Variants in UGT1A4 observed in about 807,000 individuals in gnomAD.
The protein encoded by UGT1A4 is UDP-glucuronosyltransferase 1A4.
In UGT1A4, 32 loss-of-function variants were observed where a neutral mutation model predicts 41.1. That is an observed-to-expected ratio of 0.78 (90% CI 0.59 to 1.05). UGT1A4 has a LOEUF of 1.05. Among genes scored for constraint, UGT1A4 ranks in the 50% least tolerant of loss-of-function variants. UGT1A4 has a pLI of 0.00. For missense variants in UGT1A4, 748 were observed against 677.4 expected (o/e 1.10, Z -1.16); for synonymous variants, 283 against 265.1 (o/e 1.07, Z -0.66).
intron 1 of UGT1A4, chr2:233,760,416 G>A (rs1575772039): frequency 6.2e-7 from 1 of 1,614,218 alleles, no homozygotes; most frequent in East Asian, 2.2e-5. Flanking sequence ...GGCTGAGCAT[G>A]CTTGGGGCCA....
At chr2:233,754,239 C>A in intron 1 of UGT1A4, 1 of 170,838 alleles carries the variant, frequency 5.9e-6, no homozygotes. Flanking sequence ...CTGGCTCACA[C>A]TTTCCCAACG....
At position 233,737,754 on chromosome 2, in the gene UGT1A4, T is replaced by G. The variant is rs1342701991; in HGVS notation, c.867+18067T>G. Reference sequence around the variant, plus strand: ...TTCCTTTTCTCTTCCAGTTTTTCAATGTGAACATATTCTCTAGAGTTAACT... The same window carrying G: ...TTCCTTTTCTCTTCCAGTTTTTCAAGGTGAACATATTCTCTAGAGTTAACT... On this transcript the variant is annotated intron_variant, in intron 1 of 4. Transcript: ENST00000373409. Among the ~76,000 whole-genome samples the G allele has an allele frequency of 3.3e-5, 5 of 152,300 alleles. No homozygotes were observed. The East Asian group carries it at 9.6e-4, about 29-fold the overall frequency.
chr2:233,759,135 A>G (rs1346504675), intron 1 of UGT1A4, among the ~76,000 whole-genome samples: 1 of 152,234 alleles, frequency 6.6e-6, no homozygotes, highest in African/African-American at 2.4e-5. Flanking sequence ...CTGGTACGCA[A>G]TGAAGGTGAG....
At chr2:233,745,418 GATAA>G (rs1158575048) in intron 1 of UGT1A4, among the ~76,000 whole-genome samples, 1 of 151,578 alleles carries the variant, frequency 6.6e-6, no homozygotes, top group Non-Finnish European at 1.5e-5. Context: ...TCTTTTCTTT[GATAA>G]ATTGTGAGGC....
chr2:233,741,352 A>G (rs1236663413), intron 1 of UGT1A4, among the ~76,000 whole-genome samples: 1 of 151,742 alleles, frequency 6.6e-6, no homozygotes, highest in African/African-American at 2.4e-5. Context: ...TCCAACACAC[A>G]AAACCACAAT....
rs587776764 is a variant in UGT1A4 at position 233,761,152 on chromosome 2, G to C, written c.868-5882G>C. ...CCTTCACCAAAATCCACTATCCCAG[G>C]TGTGTATTGGAGTGGGACTTTTACA... is the stretch of plus-strand genomic sequence containing the variant. On this transcript the variant is annotated intron_variant, in intron 1 of 4. Coordinates refer to ENST00000373409, the MANE Select transcript of UGT1A4 (RefSeq NM_007120.3). The C allele has an allele frequency of 2.5e-6, 4 of 1,614,084 alleles. No homozygotes were observed. The African/African-American group carries it at 4.0e-5, about 16-fold the overall frequency.
intron 1 of UGT1A4, chr2:233,752,588 C>T (rs1160790573): frequency 1.3e-5 from 2 of 152,108 alleles, no homozygotes; most frequent in African/African-American, 4.8e-5. Flanking sequence ...CCCATCTCTA[C>T]AAGATTTTTT....
chr2:233,739,435 C>A (rs1691098956), intron 1 of UGT1A4, among the ~76,000 whole-genome samples: 1 of 152,206 alleles, frequency 6.6e-6, no homozygotes, highest in Admixed American at 6.5e-5. Flanking sequence ...GAGGGCTTTA[C>A]CCTGCAAAGC....
At chr2:233,727,726 T>C (rs1372996162) in intron 1 of UGT1A4, among the ~76,000 whole-genome samples, 1 of 152,208 alleles carries the variant, frequency 6.6e-6, no homozygotes, top group Admixed American at 6.5e-5. Flanking sequence ...CAGACCTTCC[T>C]TTTCTGTGCC....
chr2:233,722,529 T>C lies in UGT1A4; in HGVS notation c.867+2842T>C, dbSNP rs1318549990. ...TAATTGCAGCTTATTTTTGCCTTAA[T>C]GATTTCATCCTAGTTTCTTTTGGTT... On this transcript the variant is annotated intron_variant, in intron 1 of 4. Transcript: ENST00000373409. 2.0e-5 allele frequency among the ~76,000 whole-genome samples: 3 copies of C among 152,366 alleles called. No individual in the cohort carries two copies. In the East Asian group the frequency reaches 5.8e-4, roughly 29 times the overall value.
chr2:233,744,959 A>G (rs1028128963), intron 1 of UGT1A4, among the ~76,000 whole-genome samples: 2 of 151,812 alleles, frequency 1.3e-5, no homozygotes, highest in African/African-American at 4.9e-5. Context: ...TAACCTACCA[A>G]TATCCTTCTT....
At chr2:233,750,460 A>G (rs1694463339) in intron 1 of UGT1A4, among the ~76,000 whole-genome samples, 1 of 152,018 alleles carries the variant, frequency 6.6e-6, no homozygotes, top group South Asian at 2.1e-4. Flanking sequence ...CCAGCTACAG[A>G]AATACTGGCT....
At chr2:233,732,047 A>C (rs1159846609) in intron 1 of UGT1A4, among the ~76,000 whole-genome samples, 1 of 152,222 alleles carries the variant, frequency 6.6e-6, no homozygotes, top group Admixed American at 6.5e-5. Flanking sequence ...GATGATGAGC[A>C]TTTATTCATG....
intron 1 of UGT1A4, chr2:233,753,711 A>G (rs577048191): frequency 6.6e-6 from 1 of 152,346 alleles, no homozygotes; most frequent in East Asian, 1.9e-4. Context: ...GGCTTTCATC[A>G]ACCTAATTTG....
In UGT1A4 at chr2:233,755,421, C is replaced by T. The variant is rs774443994; in HGVS notation, c.868-11613C>T. 197 of 321,386 alleles carry T rather than the reference C, an allele frequency of 6.1e-4. 1 individual carries two copies. The highest frequency in any genetic ancestry group is 1.9e-3 in the Admixed American group (45 of 23,834). 19.9% of individuals were successfully genotyped at this position (321,386 alleles called of 1,614,324 possible). On this transcript the variant is annotated intron_variant, in intron 1 of 4. Transcript: ENST00000373409. ...TCTCATTGGCCGAGGCCTGTGAGCG[C>T]CTCGCATCCCAAGATGCAGTGCTCC... is the stretch of plus-strand genomic sequence containing the variant.
At position 233,719,474 on chromosome 2, in the gene UGT1A4, G is replaced by C; in HGVS notation, c.654G>C (p.Leu218=). Residue 218 remains leucine, a synonymous_variant, in exon 1 of 5, where the codon CTG becomes CTC. Coordinates refer to ENST00000373409, the MANE Select transcript of UGT1A4 (RefSeq NM_007120.3). ...LQRVKNMLYP[L]ALSYICHTFS... ...GGGTCAAGAACATGCTCTACCCTCT[G>C]GCCCTGTCCTACATTTGCCATACTT... The C allele has an allele frequency of 6.2e-7, 1 of 1,613,940 alleles. No homozygotes were observed.
intron 1 of UGT1A4, among the ~76,000 whole-genome samples, chr2:233,726,762 C>T (rs2077560104): frequency 6.6e-6 from 1 of 152,196 alleles, no homozygotes; most frequent in Non-Finnish European, 1.5e-5. Flanking sequence ...CTACCACAGA[C>T]ACTAAGCTTA....
intron 1 of UGT1A4, chr2:233,743,892 C>A (rs1369437404): frequency 1.5e-6 from 2 of 1,366,886 alleles, no homozygotes; most frequent in Non-Finnish European, 2.0e-6. Flanking sequence ...CGGGGCACGT[C>A]CAGCACCTCG....
chr2:233,738,373 AC>A (rs1456514081), intron 1 of UGT1A4, among the ~76,000 whole-genome samples: 3 of 152,222 alleles, frequency 2.0e-5, no homozygotes, highest in Non-Finnish European at 4.4e-5. Context: ...CTATAAAACT[AC>A]TTGAAAATGT....
Sources: gnomAD v4.1 joint callset for allele counts (sites outside exome capture counted in the v4.1 genomes callset) on GRCh38, gnomAD v4.1.1 for gene constraint, MANE v1.5 for transcripts, NCBI Gene and HGNC (gene_info 2026-07-23, HGNC 2026-07-21) for gene names.